The following OSBPL9 variants were observed in gnomAD, a reference collection of about 807,000 sequenced individuals.
OSBPL9 encodes the protein oxysterol binding protein like 9.
Under a neutral mutation model 106.6 loss-of-function variants are expected in OSBPL9, and 40 were observed. The observed-to-expected ratio is 0.38, with a 90% CI of 0.29 to 0.49. The LOEUF is 0.49. Among genes scored for constraint, OSBPL9 ranks in the 20% least tolerant of loss-of-function variants. The pLI is 0.97. For synonymous variants in OSBPL9, 269 were observed against 295.4 expected (o/e 0.91, Z 0.92); for missense variants, 609 against 887.2 (o/e 0.69, Z 3.98).
chr1:51,526,748 T>C, the OSBPL9 span, among the ~76,000 whole-genome samples: 5 of 152,000 alleles, frequency 3.3e-5, no homozygotes, highest in African/African-American at 1.2e-4. Flanking sequence ...TTTTTTAACT[T>C]TTATTTTTAT....
chr1:51,625,305 A>G (rs1467526223), intron 1 of OSBPL9, among the ~76,000 whole-genome samples: 1 of 152,146 alleles, frequency 6.6e-6, no homozygotes, highest in Non-Finnish European at 1.5e-5. Flanking sequence ...TCTTTTTTTA[A>G]AATGTAATTT....
In OSBPL9 at chr1:51,618,866, T is replaced by C. The variant is rs543175120; in HGVS notation, c.111+1645T>C. Among the ~76,000 whole-genome samples, 140 of 152,356 alleles carry C rather than the reference T, an allele frequency of 9.2e-4. 1 individual carries two copies. Among genetic ancestry groups the C allele is most frequent in the Non-Finnish European group, 1.7e-3 (119 of 68,030 alleles). On this transcript the variant is annotated intron_variant, in intron 1 of 23. Coordinates refer to ENST00000428468, the MANE Select transcript of OSBPL9 (RefSeq NM_024586.6). ...AATCAGGATGCCAAATTATTGACTT[T>C]TTCTACTAAACTTCGCTTTCACTAC...
intron 4 of OSBPL9, among the ~76,000 whole-genome samples, chr1:51,720,596 T>G (rs1557737784): frequency 6.6e-6 from 1 of 152,116 alleles, no homozygotes; most frequent in Admixed American, 6.6e-5. Flanking sequence ...GTGCTGTGAT[T>G]ACAGGCGTGA....
At chr1:51,678,703 A>G (rs529921417) in intron 3 of OSBPL9, among the ~76,000 whole-genome samples, 2 of 152,138 alleles carry the variant, frequency 1.3e-5, no homozygotes, top group Non-Finnish European at 2.9e-5. Context: ...CTACAAATAA[A>G]CCAGTTGTTG....
intron 1 of OSBPL9, among the ~76,000 whole-genome samples, chr1:51,591,041 C>T (rs1385955527): frequency 1.6e-4 from 24 of 151,926 alleles, no homozygotes; most frequent in Non-Finnish European, 5.9e-5. Flanking sequence ...GCCTCAGCCT[C>T]CCGAGTAGCT....
chr1:51,563,469 C>T, the OSBPL9 span, among the ~76,000 whole-genome samples: 1 of 152,188 alleles, frequency 6.6e-6, no homozygotes, highest in Non-Finnish European at 1.5e-5. Context: ...AGGCATAGCC[C>T]TGTGAGCAGG....
At chr1:51,679,365 ATACT>A (rs1652011205) in intron 3 of OSBPL9, among the ~76,000 whole-genome samples, 1 of 152,244 alleles carries the variant, frequency 6.6e-6, no homozygotes, top group South Asian at 2.1e-4. Context: ...AGTAAAATTA[ATACT>A]TGCTCACTTT....
At chr1:51,540,492 T>TA in the OSBPL9 span, among the ~76,000 whole-genome samples, 58 of 144,002 alleles carry the variant, frequency 4.0e-4, no homozygotes, top group Admixed American at 1.9e-3. Context: ...CCATCTCTAC[T>TA]AAAAAAAAAA....
chr1:51,541,823 C>A, the OSBPL9 span, among the ~76,000 whole-genome samples: 8 of 152,278 alleles, frequency 5.3e-5, no homozygotes, highest in South Asian at 1.5e-3. Context: ...ATGGTCGAGT[C>A]CAGTTTACTC....
chr1:51,631,276 G>A (rs1318470100), intron 1 of OSBPL9, among the ~76,000 whole-genome samples: 3 of 152,124 alleles, frequency 2.0e-5, no homozygotes, highest in Non-Finnish European at 1.5e-5. Context: ...GCATGGTGGT[G>A]CATGCCTGTA....
intron 1 of OSBPL9, among the ~76,000 whole-genome samples, chr1:51,590,949 C>G (rs1004829785): frequency 2.4e-4 from 34 of 144,376 alleles, no homozygotes; most frequent in African/African-American, 8.0e-4. Context: ...GACGGAGTCT[C>G]GCTCTGTCGC....
intron 3 of OSBPL9, among the ~76,000 whole-genome samples, chr1:51,711,505 C>CAGA (rs1659890827): frequency 1.6e-5 from 2 of 126,048 alleles, no homozygotes; most frequent in Admixed American, 7.6e-5. Flanking sequence ...GCTGGCCGGG[C>CAGA]GGGGGGCTGA....
At chr1:51,559,448 C>G in the OSBPL9 span, among the ~76,000 whole-genome samples, 1 of 151,812 alleles carries the variant, frequency 6.6e-6, no homozygotes, top group Admixed American at 6.6e-5. Context: ...CATACACACA[C>G]ACACACACAC....
At chr1:51,534,424 C>CT in the OSBPL9 span, among the ~76,000 whole-genome samples, 1 of 152,046 alleles carries the variant, frequency 6.6e-6, no homozygotes, top group Non-Finnish European at 1.5e-5. Flanking sequence ...TGCTCATTCA[C>CT]TTTTTTTTCC....
chr1:51,715,473 T>G (rs1378123176), intron 4 of OSBPL9, among the ~76,000 whole-genome samples: 1 of 152,220 alleles, frequency 6.6e-6, no homozygotes, highest in Non-Finnish European at 1.5e-5. Context: ...AGTCTCACTT[T>G]GTACCCCAGA....
At position 51,729,021 on chromosome 1, in the gene OSBPL9, T is replaced by C. The variant is rs1380617317; in HGVS notation, c.318+14942T>C. Among the ~76,000 whole-genome samples, 1 of 152,178 alleles carries C rather than the reference T, an allele frequency of 6.6e-6. No individual in the cohort carries two copies. The highest frequency in any genetic ancestry group is 2.4e-5 in the African/African-American group (1 of 41,450). ...TCCAGATCAATAAGTTAATCACTTA[T>C]GTTTGTGATTCCCTGCATTTTGGGT... On this transcript the variant is annotated intron_variant, in intron 4 of 23. Transcript: ENST00000428468. The surrounding 1 kb of genome is among the most constrained non-coding windows in gnomAD (Gnocchi z 5.1).
At chr1:51,760,431 C>A (rs1671238588) in intron 9 of OSBPL9, 4 of 341,274 alleles carry the variant, frequency 1.2e-5, no homozygotes, top group Non-Finnish European at 2.1e-5. Flanking sequence ...CTCCCCACAC[C>A]ATTTTATAAC....
At chr1:51,577,019 G>C (rs1222066624), upstream of OSBPL9, among the ~76,000 whole-genome samples, 3 of 152,166 alleles carry the variant, frequency 2.0e-5, no homozygotes, top group African/African-American at 7.2e-5. Flanking sequence ...AATCCTTCAT[G>C]AATAGCTTGG....
chr1:51,724,887 A>C (rs994474363), intron 4 of OSBPL9: 2 of 218,574 alleles, frequency 9.2e-6, no homozygotes, highest in Non-Finnish European at 1.9e-5. Flanking sequence ...CGTCAACCTT[A>C]AAAGGGCACA....
Sources: gnomAD v4.1 joint callset for allele counts (sites outside exome capture counted in the v4.1 genomes callset) on GRCh38, gnomAD v4.1.1 for gene constraint, Gnocchi (gnomAD v3.1) non-coding constraint, MANE v1.5 for transcripts, NCBI Gene and HGNC (gene_info 2026-07-23, HGNC 2026-07-21) for gene names.